Variants in INO80E observed in about 807,000 individuals in gnomAD.
INO80E encodes the protein coiled-coil domain containing 95.
A neutral mutation model predicts 27.3 loss-of-function variants in INO80E; 20 were observed. The ratio of observed to expected loss-of-function variants is 0.73; its 90% CI spans 0.51 to 1.06. INO80E has a LOEUF of 1.06. Among genes scored for constraint, INO80E ranks in the 50% least tolerant of loss-of-function variants. The pLI, the probability that INO80E is intolerant of heterozygous loss-of-function variation, is 0.00. For missense variants in INO80E, 357 were observed against 322.8 expected, an observed-to-expected ratio of 1.11 and a Z score of -0.81; for synonymous variants, 167 against 145.9, an observed-to-expected ratio of 1.14 and a Z score of -1.04.
Position 30,005,287 on chromosome 16 carries a change from G to A in INO80E, c.580G>A (p.Ala194Thr). Reference protein sequence around the residue: ...PLTFPGRGSGAGVGTTLTPLP... With the variant: ...PLTFPGRGSGTGVGTTLTPLP... The stretch of plus-strand genomic sequence containing the variant: ...GACCTTCCCTGGCCGGGGTTCTGGG[G>A]CTGGGGTCGGGACAACCCTGACCCC... Residue 194 changes from alanine (A) to threonine (T), a missense_variant, in exon 7 of 7, where the codon GCT becomes ACT. Coordinates refer to ENST00000563197, the MANE Select transcript of INO80E (RefSeq NM_173618.3). 2 of 1,486,116 alleles carry A rather than the reference G, an allele frequency of 1.3e-6. No individual in the cohort carries two copies. The highest frequency in any genetic ancestry group is 1.8e-6 in the Non-Finnish European group (2 of 1,120,468). 92.1% of individuals were successfully genotyped at this position (1,486,116 alleles called of 1,614,324 possible). A position where few individuals can be genotyped will look rare whatever the true frequency, so the allele number is the denominator to read the frequency against.
chr16:30,005,424 G>C lies in INO80E; in HGVS notation c.717G>C (p.Val239=). 1 of 1,602,514 alleles carries C rather than the reference G, an allele frequency of 6.2e-7. No homozygotes were observed. The highest frequency in any genetic ancestry group is 1.1e-5 in the South Asian group (1 of 88,848). ...DDALDGDDDL[V]IDIPE is the part of the protein sequence containing the mutation. ...CCTTGGATGGAGACGATGACCTGGT[G>C]ATCGACATCCCGGAGTGACCGTGAC... The change falls in exon 7 of 7, where the codon GTG becomes GTC. Residue 239 remains valine, a synonymous_variant. Transcript: ENST00000563197.
Position 30,005,308 on chromosome 16 carries a change from A to ACG in INO80E, c.602_603insGC (p.Leu203ProfsTer13). 1 of 521,332 alleles carries ACG rather than the reference A, an allele frequency of 1.9e-6. No homozygotes were observed. The highest frequency in any genetic ancestry group is 3.0e-6 in the Non-Finnish European group (1 of 335,732). 32.3% of individuals were successfully genotyped at this position (521,332 alleles called of 1,614,324 possible). A position where few individuals can be genotyped will look rare whatever the true frequency, so the allele number is the denominator to read the frequency against. On this transcript the variant is annotated frameshift_variant, in exon 7 of 7. Coordinates refer to ENST00000563197, the MANE Select transcript of INO80E (RefSeq NM_173618.3). LOFTEE classifies it high-confidence loss of function. ...TGGGGCTGGGGTCGGGACAACCCTG[A>ACG]CCCCCCTCCCACCCCCTAAGATGCC...
chr16:30,000,665 T>G, intron 3 of INO80E, 93 bp from the exon 4 acceptor site: 1 of 1,032,572 alleles, frequency 9.7e-7, no homozygotes, highest in Non-Finnish European at 1.5e-6. Flanking sequence ...GCACCTGGTC[T>G]TCCAGTGCCC....
chr16:29,997,338 G>A (rs1050120146), intron 3 of INO80E, among the ~76,000 whole-genome samples: 2 of 152,140 alleles, frequency 1.3e-5, no homozygotes, highest in Non-Finnish European at 2.9e-5. Flanking sequence ...GTACCCCATA[G>A]GCAAATACAT....
chr16:29,999,145 T>C (rs1160426140), intron 3 of INO80E: 1 of 152,154 alleles, frequency 6.6e-6, no homozygotes, highest in Non-Finnish European at 1.5e-5. Context: ...GATACCCATT[T>C]GCTTGTTATT....
At chr16:29,999,044 C>CA (rs539871845) in intron 3 of INO80E, among the ~76,000 whole-genome samples, 185 of 123,444 alleles carry the variant, frequency 1.5e-3, no homozygotes, top group East Asian at 2.7e-3. Context: ...GACTCCGTCT[C>CA]AAAAAAAAAA....
chr16:30,000,905 G>A (rs767292736), intron 4 of INO80E, 24 bp from the exon 5 acceptor site: 1 of 1,610,166 alleles, frequency 6.2e-7, no homozygotes. Flanking sequence ...AGCCACATCT[G>A]ACCTCGCCCT....
At chr16:30,004,607 G>T (rs2070478902) in intron 6 of INO80E, 1 of 154,958 alleles carries the variant, frequency 6.5e-6, no homozygotes, top group Admixed American at 6.5e-5. Context: ...GCTGGATCTG[G>T]GAGAGGCTGC....
rs2070353223 is a variant in INO80E at position 30,001,484 on chromosome 16, T to C, written c.467T>C (p.Leu156Pro). 6.2e-7 allele frequency: 1 copy of C among 1,612,890 alleles called. No homozygotes were observed. The highest frequency in any genetic ancestry group is 1.3e-5 in the African/African-American group (1 of 74,776). ...CTGCAGCTGCCCGAGCCCAGTCCCC[T>C]GAGGCCCAAGCGGGAGAAACGGCCC... ...LALQLPEPSP[L>P]RPKREKRPRL... The change falls in exon 6 of 7, where the codon CTG becomes CCG. Residue 156 changes from leucine (L) to proline (P), a missense_variant. By Grantham distance (98) the Leu-to-Pro change is moderately conservative. Transcript: ENST00000563197.
chr16:29,999,154 T>C (rs60978850), intron 3 of INO80E: 20,933 of 152,188 alleles, frequency 0.14, 2,550 homozygotes, highest in African/African-American at 0.32. Context: ...TTGCTTGTTA[T>C]TATAGGAGGA....
Position 30,001,432 on chromosome 16 carries a change from C to T in INO80E, c.415C>T (p.Pro139Ser), listed in dbSNP as rs1164287147. 6.2e-7 allele frequency: 1 copy of T among 1,608,796 alleles called. No homozygotes were observed. The highest frequency in any genetic ancestry group is 1.3e-5 in the African/African-American group (1 of 74,912). ...CCCGCAGCTGGCCTCCTCCCGCTAC[C>T]CCCCATTCCCTTCTGACTACCTGGC... The part of the protein sequence containing the change: ...YLSSLASSRY[P>S]PFPSDYLALQ... The change falls in exon 6 of 7, where the codon CCC becomes TCC. Residue 139 changes from proline to serine, a missense_variant. Physicochemically the swap from Pro to Ser is moderately conservative, Grantham distance 74. Transcript: ENST00000563197.
rs577298222 is a variant in INO80E, at chr16:30,003,342, G to C, written c.513+1812G>C. 4 of 152,668 alleles carry C rather than the reference G, an allele frequency of 2.6e-5. No homozygotes were observed. The East Asian group carries it at 7.7e-4, about 29-fold the overall frequency. 9.5% of individuals were successfully genotyped at this position (152,668 alleles called of 1,614,324 possible). On this transcript the variant is annotated intron_variant, in intron 6 of 6. Coordinates refer to ENST00000563197, the MANE Select transcript of INO80E (RefSeq NM_173618.3). This position sits in a 1 kb window ranked among gnomAD's most constrained non-coding sequence, Gnocchi z 4.4. ...GAAAGCACTGCCTGGGCCAGAGCAG[G>C]AGTGGTAAGAAATTGGCAAGAAGAA...
At position 30,005,459 on chromosome 16, in the gene INO80E, T is replaced by C; in HGVS notation, c.*17T>C. 3 of 1,582,842 alleles carry C rather than the reference T, an allele frequency of 1.9e-6. No individual in the cohort carries two copies. The highest frequency in any genetic ancestry group is 2.6e-6 in the Non-Finnish European group (3 of 1,165,054). ...CCGGAGTGACCGTGACATCACGCCA[T>C]GCCCACCACGGCCCCGCCCGGCGCC... On this transcript the variant is annotated 3_prime_UTR_variant, in exon 7 of 7. Coordinates refer to ENST00000563197, the MANE Select transcript of INO80E (RefSeq NM_173618.3).
chr16:30,001,699 ATGGAGACAAATC>A, intron 6 of INO80E, 169 bp downstream of exon 6: 1 of 639,994 alleles, frequency 1.6e-6, no homozygotes, highest in East Asian at 2.9e-5. Flanking sequence ...ACAGGCTTGT[ATGGAGACAAATC>A]AGGGCAGAAC....
At position 30,005,261 on chromosome 16, in the gene INO80E, T is replaced by C; in HGVS notation, c.554T>C (p.Leu185Pro). Residue 185 changes from leucine to proline, a missense_variant, in exon 7 of 7, where the codon CTG becomes CCG. Coordinates refer to ENST00000563197, the MANE Select transcript of INO80E (RefSeq NM_173618.3). ...GPPDCPVGGP[L>P]TFPGRGSGAG... ...CCCGACTGCCCTGTGGGAGGGCCGC[T>C]GACCTTCCCTGGCCGGGGTTCTGGG... 2.0e-6 allele frequency: 3 copies of C among 1,478,952 alleles called. No individual in the cohort carries two copies. Among genetic ancestry groups the C allele is most frequent in the Non-Finnish European group, 2.7e-6 (3 of 1,118,342 alleles). The allele number at this position is 1,478,952 out of a possible 1,614,324, so 91.6% of individuals were successfully genotyped here.
rs902782011 is a variant in INO80E at position 30,003,377 on chromosome 16, G to C, written c.514-1844G>C. The C allele has an allele frequency of 6.6e-5, 10 of 152,588 alleles. No individual in the cohort carries two copies. Among genetic ancestry groups the C allele is most frequent in the African/African-American group, 2.4e-4 (10 of 41,516 alleles). The allele number at this position is 152,588 out of a possible 1,614,324, so 9.5% of individuals were successfully genotyped here. ...AAATTGGCAAGAAGAACCGGGTGGGGTGGGGTCATGGAAGGCCTGGACAGT... is the reference window on the plus strand; with the variant it reads ...AAATTGGCAAGAAGAACCGGGTGGGCTGGGGTCATGGAAGGCCTGGACAGT... On this transcript the variant is annotated intron_variant, in intron 6 of 6. Transcript: ENST00000563197. This position sits in a 1 kb window ranked among gnomAD's most constrained non-coding sequence, Gnocchi z 4.4.
In INO80E at chr16:29,996,797, C is replaced by T. The variant is rs746863593; in HGVS notation, c.153-11C>T. 6.2e-7 allele frequency: 1 copy of T among 1,613,944 alleles called. No homozygotes were observed. On this transcript the variant is annotated splice_polypyrimidine_tract_variant and intron_variant, in intron 2 of 6. Coordinates refer to ENST00000563197, the MANE Select transcript of INO80E (RefSeq NM_173618.3). ...GAAAATCACTGTCCGTGTCTCCTTC[C>T]CTCCCCTCAGTTTCCTCCTAGACCG...
Position 30,005,323 on chromosome 16 carries a change from C to G in INO80E, c.616C>G (p.Pro206Ala). 7.5e-7 allele frequency: 1 copy of G among 1,329,952 alleles called. No individual in the cohort carries two copies. The highest frequency in any genetic ancestry group is 3.5e-5 in the Admixed American group (1 of 28,384). The allele number at this position is 1,329,952 out of a possible 1,614,324, so 82.4% of individuals were successfully genotyped here. The change falls in exon 7 of 7, where the codon CCT becomes GCT. Residue 206 changes from proline (P) to alanine (A), a missense_variant. Coordinates refer to ENST00000563197, the MANE Select transcript of INO80E (RefSeq NM_173618.3). Reference sequence around the variant, plus strand: ...GACAACCCTGACCCCCCTCCCACCCCCTAAGATGCCCCCCCCCACGATCCT... The same window carrying G: ...GACAACCCTGACCCCCCTCCCACCCGCTAAGATGCCCCCCCCCACGATCCT... Reference protein sequence around the residue: ...VGTTLTPLPPPKMPPPTILST... With the variant: ...VGTTLTPLPPAKMPPPTILST...
At position 30,005,542 on chromosome 16, in the gene INO80E, C is replaced by A; in HGVS notation, c.*100C>A. The A allele has an allele frequency of 8.9e-7, 1 of 1,129,490 alleles. No homozygotes were observed. Among genetic ancestry groups the A allele is most frequent in the Non-Finnish European group, 1.3e-6 (1 of 778,638 alleles). The allele number at this position is 1,129,490 out of a possible 1,614,324, so 70.0% of individuals were successfully genotyped here. On this transcript the variant is annotated 3_prime_UTR_variant, in exon 7 of 7. Coordinates refer to ENST00000563197, the MANE Select transcript of INO80E (RefSeq NM_173618.3). ...CTCGGAGGTGTTTATTGATGCCCAG[C>A]TGCCATGCTCCGGCCACTGACACAA... is the stretch of plus-strand genomic sequence containing the variant.
Sources: gnomAD v4.1 joint callset for allele counts (sites outside exome capture counted in the v4.1 genomes callset) on GRCh38, gnomAD v4.1.1 for gene constraint, Gnocchi (gnomAD v3.1) non-coding constraint, MANE v1.5 for transcripts, NCBI Gene and HGNC (gene_info 2026-07-23, HGNC 2026-07-21) for gene names.